FBLN2: variants seen among roughly 807,000 people sequenced by gnomAD.
The protein encoded by FBLN2 is fibulin-2.
FBLN2 carries 81 observed loss-of-function variants against 123.7 expected under a neutral mutation model. That is an observed-to-expected ratio of 0.65 (90% CI 0.55 to 0.79). The LOEUF (loss-of-function observed/expected upper bound fraction) is 0.79, where lower values mean the gene tolerates loss of function less well. Ranked by LOEUF, FBLN2 falls within the 30% of genes least tolerant of loss-of-function variation. The probability of loss-of-function intolerance (pLI) is 0.00; values close to 1 mark genes in which losing one functional copy is unlikely to be tolerated. For missense variants in FBLN2, 1,603 were observed against 1,681.3 expected, an observed-to-expected ratio of 0.95 and a Z score of 0.81; for synonymous variants, 699 against 701.4, an observed-to-expected ratio of 1.00 and a Z score of 0.05.
At chr3:13,602,698 T>C (rs763256308) in intron 2 of FBLN2, among the ~76,000 whole-genome samples, 7 of 152,220 alleles carry the variant, frequency 4.6e-5, no homozygotes, top group Non-Finnish European at 1.0e-4. Context: ...TTCTATTTAA[T>C]TGTTATGGGG....
At chr3:13,569,628 G>A (rs1001740450) in intron 1 of FBLN2, among the ~76,000 whole-genome samples, 1 of 152,090 alleles carries the variant, frequency 6.6e-6, no homozygotes. Flanking sequence ...GGGGACAGGA[G>A]CGTCCCCTGG....
intron 4 of FBLN2, among the ~76,000 whole-genome samples, chr3:13,613,571 G>C (rs1233622432): frequency 6.6e-6 from 1 of 152,152 alleles, no homozygotes; most frequent in East Asian, 1.9e-4. Context: ...AAGAGGGGGA[G>C]CAAAAACGAT....
intron 2 of FBLN2, among the ~76,000 whole-genome samples, chr3:13,594,902 G>A (rs1210423820): frequency 1.3e-5 from 2 of 152,194 alleles, no homozygotes; most frequent in East Asian, 3.9e-4. Flanking sequence ...AAGAACTGAT[G>A]AAGATGGGGA....
rs115230968 is a variant in FBLN2, at chr3:13,615,438, A to G, written c.1729+1274A>G. 7.2e-3 allele frequency among the ~76,000 whole-genome samples: 1,102 copies of G among 152,314 alleles called. 12 individuals are homozygous for G. The highest frequency in any genetic ancestry group is 7.1e-3 in the Admixed American group (109 of 15,302). ...ACTTCATGGAGTGGGAATTAAAGCC[A>G]CAGATGAGGTCCTGGTATCAAGATT... On this transcript the variant is annotated intron_variant, in intron 5 of 17. Coordinates refer to ENST00000404922, the MANE Select transcript of FBLN2 (RefSeq NM_001004019.2).
intron 8 of FBLN2, among the ~76,000 whole-genome samples, chr3:13,620,845 G>A (rs1416252235): frequency 1.3e-5 from 2 of 152,204 alleles, no homozygotes; most frequent in Admixed American, 6.5e-5. Context: ...CTGTTCTGAT[G>A]TGGACAAACA....
intron 9 of FBLN2, among the ~76,000 whole-genome samples, chr3:13,625,551 C>T (rs1184065556): frequency 1.3e-5 from 2 of 152,256 alleles, no homozygotes; most frequent in South Asian, 4.2e-4. Flanking sequence ...TCCCCTGCAG[C>T]CTACACCTCA....
At chr3:13,587,994 A>G (rs1013586021) in intron 2 of FBLN2, among the ~76,000 whole-genome samples, 2 of 152,226 alleles carry the variant, frequency 1.3e-5, no homozygotes, top group African/African-American at 4.8e-5. Context: ...CCTTGGGCAC[A>G]AGTGGTCAGG....
At chr3:13,630,205 G>T (rs1706208872) in intron 14 of FBLN2, among the ~76,000 whole-genome samples, 1 of 152,194 alleles carries the variant, frequency 6.6e-6, no homozygotes, top group African/African-American at 2.4e-5. Flanking sequence ...GAGAGGCTGG[G>T]TCTCTGTGTC....
Position 13,638,257 on chromosome 3 carries a change from C to T in FBLN2, c.*338C>T, listed in dbSNP as rs1021445908. 1 of 536,162 alleles carries T rather than the reference C, an allele frequency of 1.9e-6. No homozygotes were observed. Among genetic ancestry groups the T allele is most frequent in the Non-Finnish European group, 3.4e-6 (1 of 292,814 alleles). The allele number at this position is 536,162 out of a possible 1,614,324, so 33.2% of individuals were successfully genotyped here. On this transcript the variant is annotated 3_prime_UTR_variant, in exon 18 of 18. Coordinates refer to ENST00000404922, the MANE Select transcript of FBLN2 (RefSeq NM_001004019.2). ...CTGGATGACCCGTCCCCAAAGTTGA[C>T]ATTCCATTTCATGTTCCACTGTGAT...
chr3:13,588,180 C>T (rs921695787), intron 2 of FBLN2, among the ~76,000 whole-genome samples: 1 of 152,180 alleles, frequency 6.6e-6, no homozygotes, highest in African/African-American at 2.4e-5. Flanking sequence ...TGTTTAGATT[C>T]ACAAATACTT....
intron 11 of FBLN2, 93 bp from the exon 12 acceptor site, chr3:13,628,812 A>G: frequency 6.8e-7 from 1 of 1,467,650 alleles, no homozygotes; most frequent in Non-Finnish European, 9.2e-7. Context: ...TCTGGAGCCC[A>G]GGACCGACCC....
intron 2 of FBLN2, among the ~76,000 whole-genome samples, chr3:13,605,571 CAT>C (rs1559416014): frequency 2.0e-5 from 3 of 152,192 alleles, no homozygotes; most frequent in Admixed American, 2.0e-4. Flanking sequence ...CTGCATGTAG[CAT>C]GGCCCCAGAT....
chr3:13,562,905 T>G (rs1437058173), intron 1 of FBLN2, among the ~76,000 whole-genome samples: 1 of 152,210 alleles, frequency 6.6e-6, no homozygotes, highest in Non-Finnish European at 1.5e-5. Flanking sequence ...GGTGTCTGGC[T>G]TATTCACCTA....
chr3:13,557,471 C>A (rs1703493218), intron 1 of FBLN2, among the ~76,000 whole-genome samples: 2 of 152,140 alleles, frequency 1.3e-5, no homozygotes, highest in Non-Finnish European at 2.9e-5. Flanking sequence ...ATGGCTGTAT[C>A]CAGGGCCTCT....
At chr3:13,583,658 A>G (rs921205381) in intron 2 of FBLN2, among the ~76,000 whole-genome samples, 34 of 152,376 alleles carry the variant, frequency 2.2e-4, no homozygotes, top group African/African-American at 7.9e-4. Flanking sequence ...GTCAAGGTCT[A>G]GGCCGGTGGA....
At chr3:13,607,016 C>G (rs1178065905) in intron 2 of FBLN2, among the ~76,000 whole-genome samples, 1 of 150,978 alleles carries the variant, frequency 6.6e-6, no homozygotes, top group Non-Finnish European at 1.5e-5. Flanking sequence ...GGGACGGAGT[C>G]TTGCTCTGTC....
At chr3:13,549,232 C>A in intron 1 of FBLN2, 24 bp downstream of exon 1, 1 of 983,218 alleles carries the variant, frequency 1.0e-6, no homozygotes, top group Non-Finnish European at 1.2e-6. Context: ...GCCCCTCCCG[C>A]CCGGACTCAT....
At chr3:13,610,364 G>A (rs925064706) in intron 4 of FBLN2, among the ~76,000 whole-genome samples, 1 of 152,210 alleles carries the variant, frequency 6.6e-6, no homozygotes, top group Non-Finnish European at 1.5e-5. Flanking sequence ...TGGCAGTTGT[G>A]GGGACCGGTT....
chr3:13,599,888 G>C (rs564378614), intron 2 of FBLN2, among the ~76,000 whole-genome samples: 2 of 151,746 alleles, frequency 1.3e-5, no homozygotes, highest in African/African-American at 4.9e-5. Flanking sequence ...CATGGGGGGC[G>C]GGGGCAAGAG....
Sources: allele counts gnomAD v4.1 joint callset (sites outside exome capture counted in the v4.1 genomes callset), GRCh38; gene constraint gnomAD v4.1.1; transcripts MANE v1.5; gene names NCBI Gene and HGNC (gene_info 2026-07-23, HGNC 2026-07-21).